Variants in CELF4 observed in about 807,000 individuals in gnomAD.
The protein encoded by CELF4 is CUG-BP- and ETR-3-like factor 4.
Under a neutral mutation model 59.9 loss-of-function variants are expected in CELF4, and 18 were observed. The ratio of observed to expected loss-of-function variants is 0.30; its 90% CI spans 0.21 to 0.45. The LOEUF (loss-of-function observed/expected upper bound fraction) is 0.45, where lower values mean the gene tolerates loss of function less well. Ranked by LOEUF, CELF4 falls within the 20% of genes least tolerant of loss-of-function variation. CELF4 has a pLI of 1.00. For missense variants in CELF4, 456 were observed against 689.0 expected (o/e 0.66, Z 3.79); for synonymous variants, 261 against 267.1 (o/e 0.98, Z 0.22).
chr18:37,516,948 T>C (rs2099951339), intron 1 of CELF4, among the ~76,000 whole-genome samples: 1 of 152,222 alleles, frequency 6.6e-6, no homozygotes, highest in African/African-American at 2.4e-5. Flanking sequence ...ATGGCCTGTG[T>C]TCTCTCTCTC....
At chr18:37,313,810 G>T (rs1312824613) in intron 3 of CELF4, among the ~76,000 whole-genome samples, 1 of 152,246 alleles carries the variant, frequency 6.6e-6, no homozygotes, top group Non-Finnish European at 1.5e-5. Flanking sequence ...GATGCAATCG[G>T]CCACGGGTTT....
chr18:37,334,474 G>A lies in CELF4; in HGVS notation c.370-12593C>T, dbSNP rs117991964. On this transcript the variant is annotated intron_variant, in intron 2 of 12. Transcript: ENST00000420428. ...TGACTGGCCCTTCCCAGCCCACAGT[G>A]GGACCACTGCCTTAGGAGATTTAGA... Among the ~76,000 whole-genome samples the A allele has an allele frequency of 2.0e-3, 299 of 152,270 alleles. 6 individuals carry two copies. The East Asian group carries it at 0.049, about 25-fold the overall frequency.
intron 3 of CELF4, among the ~76,000 whole-genome samples, chr18:37,310,335 C>A (rs2096600328): frequency 6.6e-6 from 1 of 152,156 alleles, no homozygotes; most frequent in African/African-American, 2.4e-5. Flanking sequence ...GTTCAGCAGG[C>A]CTAGACGACT....
chr18:37,395,390 C>A (rs979076921), intron 2 of CELF4, among the ~76,000 whole-genome samples: 4 of 152,320 alleles, frequency 2.6e-5, no homozygotes, highest in African/African-American at 9.6e-5. Context: ...CTTCCAGGCT[C>A]TTGCAAGCTG....
chr18:37,291,810 C>A (rs80204658), intron 3 of CELF4, among the ~76,000 whole-genome samples: 5,640 of 152,226 alleles, frequency 0.037, 339 homozygotes, highest in African/African-American at 0.13. Flanking sequence ...CTCTACTATA[C>A]CCATAATCAG....
At chr18:37,509,382 C>T (rs2099941756) in intron 1 of CELF4, among the ~76,000 whole-genome samples, 1 of 152,224 alleles carries the variant, frequency 6.6e-6, no homozygotes, top group Non-Finnish European at 1.5e-5. Flanking sequence ...GTGAAAAAAT[C>T]CAGGAATTGG....
intron 3 of CELF4, among the ~76,000 whole-genome samples, chr18:37,301,685 G>C (rs1434132562): frequency 6.6e-6 from 1 of 152,312 alleles, no homozygotes; most frequent in East Asian, 1.9e-4. Flanking sequence ...CTGAACCACC[G>C]CTCTCTGTTG....
Position 37,244,143 on chromosome 18 carries a change from G to GT in CELF4, c.*1098dup, listed in dbSNP as rs923012301. The stretch of plus-strand genomic sequence containing the variant: ...TTAGCAGTAATGCTAACTTCTATAG[G>GT]TTTTTTTTTTCCTTTTTTATTTTTT... On this transcript the variant is annotated 3_prime_UTR_variant, in exon 13 of 13. Coordinates refer to ENST00000420428, the MANE Select transcript of CELF4 (RefSeq NM_020180.4). The GT allele has an allele frequency of 9.6e-4, 138 of 144,226 alleles. No individual in the cohort carries two copies. The highest frequency in any genetic ancestry group is 2.5e-3 in the African/African-American group (98 of 39,922). The allele number at this position is 144,226 out of a possible 1,614,324, so 8.9% of individuals were successfully genotyped here. A position where few individuals can be genotyped will look rare whatever the true frequency, so the allele number is the denominator to read the frequency against.
chr18:37,360,120 T>C (rs1428156168), intron 2 of CELF4, among the ~76,000 whole-genome samples: 1 of 152,222 alleles, frequency 6.6e-6, no homozygotes, highest in Non-Finnish European at 1.5e-5. Context: ...CCCAAAGTGC[T>C]GGGATTGCAG....
chr18:37,486,239 A>G (rs552938401), intron 1 of CELF4, among the ~76,000 whole-genome samples: 2 of 152,248 alleles, frequency 1.3e-5, no homozygotes, highest in East Asian at 3.9e-4. Context: ...GGGCATATCC[A>G]GGCCACCGAC....
chr18:37,359,172 C>T (rs1315774305), intron 2 of CELF4, among the ~76,000 whole-genome samples: 4 of 152,094 alleles, frequency 2.6e-5, no homozygotes, highest in Non-Finnish European at 4.4e-5. Context: ...TGAAGGGCGA[C>T]AAGGGAGCCT....
At chr18:37,561,712 G>A (rs1190871146) in intron 1 of CELF4, among the ~76,000 whole-genome samples, 1 of 152,198 alleles carries the variant, frequency 6.6e-6, no homozygotes, top group African/African-American at 2.4e-5. Context: ...AATTAAAAAT[G>A]AGAGAAAGGA....
At chr18:37,391,435 G>C (rs1027446596) in intron 2 of CELF4, among the ~76,000 whole-genome samples, 1 of 152,238 alleles carries the variant, frequency 6.6e-6, no homozygotes, top group Non-Finnish European at 1.5e-5. Context: ...GGGTCTGAAT[G>C]CAGGCTGGGC....
intron 1 of CELF4, among the ~76,000 whole-genome samples, chr18:37,510,495 C>T (rs767609125): frequency 6.6e-6 from 1 of 152,234 alleles, no homozygotes; most frequent in South Asian, 2.1e-4. Flanking sequence ...AGAGGTTTCC[C>T]TCACTTCTAG....
chr18:37,410,254 C>G (rs1192070316), intron 2 of CELF4, among the ~76,000 whole-genome samples: 2 of 152,252 alleles, frequency 1.3e-5, no homozygotes, highest in Non-Finnish European at 2.9e-5. Context: ...TACTCTCTCC[C>G]CTGTCTCCTT....
At chr18:37,486,468 T>C (rs2154603218) in intron 1 of CELF4, among the ~76,000 whole-genome samples, 1 of 152,308 alleles carries the variant, frequency 6.6e-6, no homozygotes, top group Non-Finnish European at 1.5e-5. Context: ...AGTGCTGTCC[T>C]TTAGGTGTGG....
intron 1 of CELF4, among the ~76,000 whole-genome samples, chr18:37,516,254 G>A (rs2099950518): frequency 6.6e-6 from 1 of 152,090 alleles, no homozygotes; most frequent in South Asian, 2.1e-4. Context: ...GTAGGCATGT[G>A]CACACACCGT....
intron 2 of CELF4, among the ~76,000 whole-genome samples, chr18:37,453,849 A>G (rs2030542292): frequency 6.6e-6 from 1 of 152,178 alleles, no homozygotes; most frequent in African/African-American, 2.4e-5. Context: ...AATAATACAT[A>G]AGGTAAAATA....
chr18:37,370,763 G>T (rs2098850474), intron 2 of CELF4, among the ~76,000 whole-genome samples: 1 of 152,152 alleles, frequency 6.6e-6, no homozygotes, highest in African/African-American at 2.4e-5. Context: ...TCACAATGCT[G>T]GCTCTGTGAC....
Sources: allele counts gnomAD v4.1 joint callset (sites outside exome capture counted in the v4.1 genomes callset), GRCh38; gene constraint gnomAD v4.1.1; transcripts MANE v1.5; gene names NCBI Gene and HGNC (gene_info 2026-07-23, HGNC 2026-07-21).